The following CNTNAP2 variants were observed in gnomAD, a reference collection of about 807,000 sequenced individuals.
CNTNAP2 encodes contactin associated protein 2, also known as contactin-associated protein-like 2.
A neutral mutation model predicts 155.2 loss-of-function variants in CNTNAP2; 98 were observed. The observed-to-expected ratio is 0.63, with a 90% CI of 0.54 to 0.75. CNTNAP2 has a LOEUF of 0.75. Among genes scored for constraint, CNTNAP2 ranks in the 30% least tolerant of loss-of-function variants. The pLI is 0.00. For synonymous variants in CNTNAP2, 651 were observed against 631.2 expected, an observed-to-expected ratio of 1.03 and a Z score of -0.47; for missense variants, 1,727 against 1,688.1, an observed-to-expected ratio of 1.02 and a Z score of -0.40.
At chr7:148,174,431 C>A (rs1225281192) in intron 18 of CNTNAP2, among the ~76,000 whole-genome samples, 1 of 151,852 alleles carries the variant, frequency 6.6e-6, no homozygotes, top group African/African-American at 2.4e-5. Context: ...CCCCCCACCT[C>A]AGGCTGGTGC....
At chr7:147,401,853 G>C (rs1041409495) in intron 10 of CNTNAP2, among the ~76,000 whole-genome samples, 13 of 152,134 alleles carry the variant, frequency 8.5e-5, no homozygotes, top group Non-Finnish European at 1.6e-4. Flanking sequence ...AGCCTCTCCA[G>C]CTGTGTGGGA....
chr7:147,179,170 C>A (rs1345944170), intron 8 of CNTNAP2, among the ~76,000 whole-genome samples: 1 of 152,106 alleles, frequency 6.6e-6, no homozygotes, highest in African/African-American at 2.4e-5. Flanking sequence ...TTCATTAATT[C>A]TTTCAACAAT....
intron 1 of CNTNAP2, among the ~76,000 whole-genome samples, chr7:146,564,666 CA>C (rs1398049831): frequency 6.6e-6 from 1 of 150,706 alleles, no homozygotes; most frequent in East Asian, 1.9e-4. Context: ...TAGCTTACTT[CA>C]ATTTTATTTG....
At chr7:148,278,604 C>T (rs73462280) in intron 21 of CNTNAP2, among the ~76,000 whole-genome samples, 9,059 of 145,804 alleles carry the variant, frequency 0.062, 445 homozygotes, top group African/African-American at 0.14. Context: ...AGCAAAGGAA[C>T]TTGGGGAAAT....
intron 13 of CNTNAP2, among the ~76,000 whole-genome samples, chr7:147,666,170 C>T (rs1226992228): frequency 2.6e-5 from 4 of 152,138 alleles, no homozygotes; most frequent in Non-Finnish European, 2.9e-5. Flanking sequence ...AAAAATCACC[C>T]GAAATATACT....
At position 146,116,862 on chromosome 7, in the gene CNTNAP2, G is replaced by T; in HGVS notation, c.-15G>T. ...GCAGCGAGCTCTTGGAGCGCCGCCGGCCGGGAGGCGAAGGATGCAGGCGGC... is the reference window on the plus strand; with the variant it reads ...GCAGCGAGCTCTTGGAGCGCCGCCGTCCGGGAGGCGAAGGATGCAGGCGGC... On this transcript the variant is annotated 5_prime_UTR_variant, in exon 1 of 24. Coordinates refer to ENST00000361727, the MANE Select transcript of CNTNAP2 (RefSeq NM_014141.6). This position sits in a 1 kb window ranked among gnomAD's most constrained non-coding sequence, Gnocchi z 5.5. The T allele has an allele frequency of 1.3e-6, 2 of 1,538,978 alleles. No homozygotes were observed. Among genetic ancestry groups the T allele is most frequent in the Non-Finnish European group, 1.8e-6 (2 of 1,140,020 alleles).
chr7:147,351,045 C>T (rs2620485), intron 9 of CNTNAP2, among the ~76,000 whole-genome samples: 76,980 of 151,356 alleles, frequency 0.51, 20,144 homozygotes, highest in East Asian at 0.72. Context: ...TAAACCAATG[C>T]TTTCAAGCAA....
At chr7:147,062,127 C>CAAAAAAAAAAAAA (rs869125044) in intron 4 of CNTNAP2, among the ~76,000 whole-genome samples, 18 of 44,938 alleles carry the variant, frequency 4.0e-4, no homozygotes, top group African/African-American at 8.8e-4. Context: ...GACTCCGTCT[C>CAAAAAAAAAAAAA]AAAAAAAAAA....
chr7:148,115,188 T>C (rs1484763972), intron 15 of CNTNAP2, among the ~76,000 whole-genome samples: 1 of 152,262 alleles, frequency 6.6e-6, no homozygotes, highest in Non-Finnish European at 1.5e-5. Flanking sequence ...TCTATAGAGA[T>C]ATTTCATCAC....
chr7:146,288,313 A>AG (rs1019080793), intron 1 of CNTNAP2, among the ~76,000 whole-genome samples: 1 of 151,858 alleles, frequency 6.6e-6, no homozygotes, highest in African/African-American at 2.4e-5. Flanking sequence ...AAAAAAAAAA[A>AG]AAAAATTTGT....
At chr7:146,812,821 G>A (rs909225548) in intron 2 of CNTNAP2, among the ~76,000 whole-genome samples, 1 of 152,152 alleles carries the variant, frequency 6.6e-6, no homozygotes, top group African/African-American at 2.4e-5. Flanking sequence ...ATTGTTTCCT[G>A]GACTGGACCC....
chr7:146,175,728 G>A (rs1035737965), intron 1 of CNTNAP2, among the ~76,000 whole-genome samples: 4 of 151,996 alleles, frequency 2.6e-5, no homozygotes, highest in African/African-American at 4.8e-5. Flanking sequence ...TGTGCTTTTC[G>A]GTTTCCATAT....
At chr7:147,718,075 T>C (rs1380035713) in intron 13 of CNTNAP2, among the ~76,000 whole-genome samples, 1 of 152,136 alleles carries the variant, frequency 6.6e-6, no homozygotes, top group Non-Finnish European at 1.5e-5. Flanking sequence ...TGTAATCATA[T>C]TGCTTGATAT....
intron 13 of CNTNAP2, among the ~76,000 whole-genome samples, chr7:147,867,469 T>C (rs1022515559): frequency 6.6e-6 from 1 of 152,184 alleles, no homozygotes; most frequent in Non-Finnish European, 1.5e-5. Flanking sequence ...ATGTTCTCTG[T>C]ATTTCCTGAA....
chr7:146,826,138 C>A (rs931730784), intron 2 of CNTNAP2, among the ~76,000 whole-genome samples: 1 of 151,946 alleles, frequency 6.6e-6, no homozygotes, highest in Non-Finnish European at 1.5e-5. Context: ...ATTTGCATCC[C>A]TAATTATTTG....
chr7:147,148,068 A>C (rs1443712709), intron 8 of CNTNAP2, among the ~76,000 whole-genome samples: 2 of 152,228 alleles, frequency 1.3e-5, no homozygotes, highest in African/African-American at 4.8e-5. Flanking sequence ...GAAAAAAGCT[A>C]TAAAGAAATC....
intron 14 of CNTNAP2, among the ~76,000 whole-genome samples, chr7:147,951,244 G>T (rs565434110): frequency 1.3e-5 from 2 of 152,294 alleles, no homozygotes; most frequent in East Asian, 3.9e-4. Context: ...ATTTAAACAG[G>T]TTCCTAAAGA....
intron 1 of CNTNAP2, among the ~76,000 whole-genome samples, chr7:146,227,141 AGG>A (rs994387039): frequency 3.3e-5 from 5 of 152,062 alleles, no homozygotes; most frequent in African/African-American, 9.7e-5. Flanking sequence ...AAAAAACTTT[AGG>A]GGCTGGGTGT....
chr7:146,188,584 A>G (rs921342951), intron 1 of CNTNAP2, among the ~76,000 whole-genome samples: 3 of 152,188 alleles, frequency 2.0e-5, no homozygotes, highest in African/African-American at 7.2e-5. Context: ...TGTTAGATAT[A>G]CCTTGGACTC....
Sources: allele counts gnomAD v4.1 joint callset (sites outside exome capture counted in the v4.1 genomes callset), GRCh38; gene constraint gnomAD v4.1.1; non-coding constraint Gnocchi (gnomAD v3.1); transcripts MANE v1.5; gene names NCBI Gene and HGNC (gene_info 2026-07-23, HGNC 2026-07-21).